SFMBT2: variants seen among roughly 807,000 people sequenced by gnomAD.
SFMBT2 encodes Scm like with four mbt domains 2, also known as scm-like with four MBT domains protein 2.
A neutral mutation model predicts 110.1 loss-of-function variants in SFMBT2; 38 were observed. That is an observed-to-expected ratio of 0.35 (90% CI 0.27 to 0.45). The LOEUF is 0.45. Ranked by LOEUF, SFMBT2 falls within the 20% of genes least tolerant of loss-of-function variation. The pLI is 1.00. For missense variants in SFMBT2, 1,011 were observed against 1,094.9 expected, an observed-to-expected ratio of 0.92 and a Z score of 1.08; for synonymous variants, 425 against 425.4, an observed-to-expected ratio of 1.00 and a Z score of 0.01.
chr10:7,315,243 T>C (rs1842978577), intron 4 of SFMBT2, among the ~76,000 whole-genome samples: 1 of 152,160 alleles, frequency 6.6e-6, no homozygotes, highest in Non-Finnish European at 1.5e-5. Flanking sequence ...ATTCTGGGTG[T>C]TTCTTGGGGT....
At position 7,408,579 on chromosome 10, in the gene SFMBT2, G is replaced by A. The variant is rs1846286713; in HGVS notation, c.-52+2282C>T. Among the ~76,000 whole-genome samples, 2 of 152,092 alleles carry A rather than the reference G, an allele frequency of 1.3e-5. No homozygotes were observed. Among genetic ancestry groups the A allele is most frequent in the Non-Finnish European group, 2.9e-5 (2 of 68,004 alleles). Reference sequence around the variant, plus strand: ...CCTGCCCCCGCCAGCCCCGGGGACCGTGCGCGGCCTCCGTGTGGCCCCCGC... The same window carrying A: ...CCTGCCCCCGCCAGCCCCGGGGACCATGCGCGGCCTCCGTGTGGCCCCCGC... On this transcript the variant is annotated intron_variant, in intron 1 of 20. Transcript: ENST00000397167. This position sits in a 1 kb window ranked among gnomAD's most constrained non-coding sequence, Gnocchi z 5.7.
chr10:7,189,012 G>A (rs1196422179), intron 15 of SFMBT2: 2 of 364,120 alleles, frequency 5.5e-6, no homozygotes, highest in African/African-American at 4.4e-5. Context: ...AACTCTTCTA[G>A]TTGCAGAAAA....
At chr10:7,336,995 TCTGTCA>T in intron 4 of SFMBT2, among the ~76,000 whole-genome samples, 1 of 151,526 alleles carries the variant, frequency 6.6e-6, no homozygotes. Context: ...TGGAGTACTT[TCTGTCA>T]CCAGTAAGAT....
chr10:7,261,944 T>C (rs79371916), intron 7 of SFMBT2, among the ~76,000 whole-genome samples: 9,615 of 152,326 alleles, frequency 0.063, 408 homozygotes, highest in Admixed American at 0.089. Context: ...ACACCTTTTA[T>C]TGACACCCAG....
chr10:7,249,261 C>A (rs1033210545), intron 7 of SFMBT2: 3 of 173,232 alleles, frequency 1.7e-5, no homozygotes, highest in African/African-American at 7.2e-5. Context: ...AGCAACACCC[C>A]ATTCCTAATA....
chr10:7,203,119 A>G, intron 12 of SFMBT2: 1 of 984,970 alleles, frequency 1.0e-6, no homozygotes, highest in Non-Finnish European at 1.2e-6. Flanking sequence ...AGCTTTTGGC[A>G]TCTACTAACT....
intron 8 of SFMBT2, 131 bp from the exon 9 acceptor site, chr10:7,243,836 AT>A: frequency 1.6e-6 from 1 of 633,160 alleles, no homozygotes; most frequent in Non-Finnish European, 2.7e-6. Flanking sequence ...ACAAACTGGC[AT>A]TTTCAATGTC....
intron 11 of SFMBT2, among the ~76,000 whole-genome samples, chr10:7,213,765 G>A (rs889533206): frequency 6.6e-6 from 1 of 150,564 alleles, no homozygotes; most frequent in Non-Finnish European, 1.5e-5. Flanking sequence ...CCATGGGCGC[G>A]GGCACTCAGA....
chr10:7,347,013 A>C (rs1488596091), intron 4 of SFMBT2, among the ~76,000 whole-genome samples: 3 of 151,910 alleles, frequency 2.0e-5, no homozygotes, highest in Non-Finnish European at 4.4e-5. Context: ...ACAAAACAAA[A>C]CAAAACAAAA....
chr10:7,303,327 G>GCAA (rs1842605769), intron 4 of SFMBT2, among the ~76,000 whole-genome samples: 1 of 152,172 alleles, frequency 6.6e-6, no homozygotes, highest in Non-Finnish European at 1.5e-5. Context: ...ATTTATAGTT[G>GCAA]TTTAACAAAA....
intron 4 of SFMBT2, among the ~76,000 whole-genome samples, chr10:7,350,119 G>T (rs1442402826): frequency 2.0e-5 from 3 of 152,046 alleles, no homozygotes; most frequent in African/African-American, 7.2e-5. Context: ...GCTAGGTCAT[G>T]GTGGCAAAGT....
At chr10:7,213,291 A>C (rs918080141) in intron 11 of SFMBT2, among the ~76,000 whole-genome samples, 2 of 152,206 alleles carry the variant, frequency 1.3e-5, no homozygotes, top group African/African-American at 4.8e-5. Context: ...ACTGTGTATT[A>C]GGAGGAAGGC....
At chr10:7,300,809 A>T (rs1842536683) in intron 4 of SFMBT2, among the ~76,000 whole-genome samples, 2 of 152,238 alleles carry the variant, frequency 1.3e-5, no homozygotes, top group Non-Finnish European at 2.9e-5. Flanking sequence ...CACTGGATTA[A>T]AGGTTAAATG....
At chr10:7,357,538 A>G (rs1844560680) in intron 4 of SFMBT2, among the ~76,000 whole-genome samples, 1 of 152,172 alleles carries the variant, frequency 6.6e-6, no homozygotes, top group Non-Finnish European at 1.5e-5. Flanking sequence ...TTTCCAGCCT[A>G]CAGATCTTCC....
chr10:7,369,495 G>A (rs778414907), intron 3 of SFMBT2, among the ~76,000 whole-genome samples: 2 of 152,156 alleles, frequency 1.3e-5, no homozygotes, highest in Non-Finnish European at 2.9e-5. Flanking sequence ...AATTTTCTGG[G>A]ACTTGCCCAG....
chr10:7,167,714 C>G (rs1185430533), intron 20 of SFMBT2, among the ~76,000 whole-genome samples: 1 of 152,194 alleles, frequency 6.6e-6, no homozygotes, highest in Admixed American at 6.5e-5. Context: ...TGCCCATGTA[C>G]TTCAGACAGC....
chr10:7,343,038 A>C (rs960214331), intron 4 of SFMBT2, among the ~76,000 whole-genome samples: 3 of 151,874 alleles, frequency 2.0e-5, no homozygotes, highest in African/African-American at 7.3e-5. Context: ...CTTTCTTTCC[A>C]CCATCCACTC....
At chr10:7,298,292 C>T (rs1265411499) in intron 4 of SFMBT2, among the ~76,000 whole-genome samples, 1 of 152,206 alleles carries the variant, frequency 6.6e-6, no homozygotes, top group Admixed American at 6.5e-5. Flanking sequence ...ATGACGTCCA[C>T]TCACTGTACT....
chr10:7,263,564 T>C (rs1841284940), intron 7 of SFMBT2, among the ~76,000 whole-genome samples: 1 of 152,210 alleles, frequency 6.6e-6, no homozygotes, highest in South Asian at 2.1e-4. Flanking sequence ...TTCAAAGCCA[T>C]TTGGGGATAA....
Sources: allele counts gnomAD v4.1 joint callset (sites outside exome capture counted in the v4.1 genomes callset), GRCh38; gene constraint gnomAD v4.1.1; non-coding constraint Gnocchi (gnomAD v3.1); transcripts MANE v1.5; gene names NCBI Gene and HGNC (gene_info 2026-07-23, HGNC 2026-07-21).